SCMH1: variants seen among roughly 807,000 people sequenced by gnomAD.
SCMH1 encodes polycomb protein SCMH1.
A neutral mutation model predicts 70.8 loss-of-function variants in SCMH1; 37 were observed. The observed-to-expected ratio is 0.52, with a 90% CI of 0.40 to 0.69. SCMH1 has a LOEUF of 0.69. Among genes scored for constraint, SCMH1 ranks in the 30% least tolerant of loss-of-function variants. SCMH1 has a pLI of 0.00. For synonymous variants in SCMH1, 292 were observed against 307.4 expected (o/e 0.95, Z 0.52); for missense variants, 607 against 827.3 (o/e 0.73, Z 3.27).
At chr1:41,037,908 A>C in intron 12 of SCMH1, 1 of 177,154 alleles carries the variant, frequency 5.6e-6, no homozygotes, top group South Asian at 1.5e-4. Context: ...TGCTTAGATG[A>C]AGGTACTTTA....
At chr1:41,120,000 G>A (rs1671531835) in intron 6 of SCMH1, among the ~76,000 whole-genome samples, 1 of 152,204 alleles carries the variant, frequency 6.6e-6, no homozygotes, top group Non-Finnish European at 1.5e-5. Context: ...AAGGGCTGAA[G>A]CAAGCCAAAC....
chr1:41,034,860 GT>G (rs1226138293), intron 13 of SCMH1, among the ~76,000 whole-genome samples: 4 of 152,132 alleles, frequency 2.6e-5, no homozygotes, highest in Non-Finnish European at 5.9e-5. Flanking sequence ...AGATATCTGG[GT>G]TTCTGCCCCT....
At chr1:41,028,767 G>A (rs1644092489) in intron 13 of SCMH1, 41 bp from the exon 15 acceptor site, 2 of 1,604,158 alleles carry the variant, frequency 1.2e-6, no homozygotes, top group African/African-American at 1.3e-5. Flanking sequence ...GGCGGGGACT[G>A]GTTTGTAAAT....
chr1:41,167,394 T>C (rs912245175), intron 2 of SCMH1, among the ~76,000 whole-genome samples: 2 of 152,184 alleles, frequency 1.3e-5, no homozygotes, highest in African/African-American at 4.8e-5. Flanking sequence ...AAATAAATTT[T>C]GAAGAATTCC....
chr1:41,080,698 G>A (rs1324650852), intron 8 of SCMH1, among the ~76,000 whole-genome samples: 1 of 151,960 alleles, frequency 6.6e-6, no homozygotes, highest in Non-Finnish European at 1.5e-5. Context: ...TGAAGAAAAA[G>A]CATTTGACAA....
intron 8 of SCMH1, among the ~76,000 whole-genome samples, chr1:41,106,444 G>A (rs1667948603): frequency 6.6e-6 from 1 of 151,764 alleles, no homozygotes; most frequent in African/African-American, 2.4e-5. Context: ...GCCAAGCTAT[G>A]CAGCACCGTG....
intron 2 of SCMH1, among the ~76,000 whole-genome samples, chr1:41,174,608 T>C (rs1029973389): frequency 5.3e-5 from 8 of 152,084 alleles, no homozygotes; most frequent in Non-Finnish European, 7.4e-5. Flanking sequence ...GAAAAAAAAA[T>C]TGAATAGATA....
In SCMH1 at chr1:41,236,706, T is replaced by A. The variant is rs1025530975; in HGVS notation, c.-118+5353A>T. The stretch of plus-strand genomic sequence containing the variant: ...CATATTTGCATATGATCTACACACA[T>A]CCTCCTATGTATTTTAACATCTCTA... On this transcript the variant is annotated intron_variant, in intron 1 of 14. Transcript: ENST00000337495. 5.3e-5 allele frequency among the ~76,000 whole-genome samples: 8 copies of A among 152,172 alleles called. No individual in the cohort carries two copies. In the South Asian group the frequency reaches 6.2e-4, roughly 12 times the overall value.
In SCMH1 at chr1:41,047,761, T is replaced by C. The variant is rs1571450034; in HGVS notation, c.1306+929A>G. Among the ~76,000 whole-genome samples, 5 of 152,294 alleles carry C rather than the reference T, an allele frequency of 3.3e-5. No individual in the cohort carries two copies. In the South Asian group the frequency reaches 1.0e-3, roughly 32 times the overall value. On this transcript the variant is annotated intron_variant, in intron 11 of 14. Coordinates refer to ENST00000337495, the Ensembl canonical transcript of SCMH1. Reference sequence around the variant, plus strand: ...CTGCTCCATCCTCCTCACAGCCAAGTACTCCCTAGTCTGGGTTCCCACACC... The same window carrying C: ...CTGCTCCATCCTCCTCACAGCCAAGCACTCCCTAGTCTGGGTTCCCACACC...
At chr1:41,178,110 A>G (rs531355102) in intron 2 of SCMH1, among the ~76,000 whole-genome samples, 12 of 152,366 alleles carry the variant, frequency 7.9e-5, no homozygotes, top group Non-Finnish European at 1.3e-4. Flanking sequence ...AAGAATTTTC[A>G]ACGCAGAATT....
intron 4 of SCMH1, among the ~76,000 whole-genome samples, 162 bp downstream of exon 4, chr1:41,160,713 T>G (rs1479085914): frequency 6.6e-6 from 1 of 152,182 alleles, no homozygotes; most frequent in Non-Finnish European, 1.5e-5. Context: ...ACAGCTGAGA[T>G]GAAGTACATG....
chr1:41,189,016 T>C (rs893797773), intron 1 of SCMH1, among the ~76,000 whole-genome samples: 1 of 152,000 alleles, frequency 6.6e-6, no homozygotes, highest in African/African-American at 2.4e-5. Flanking sequence ...GAAATCAAAA[T>C]GGAAAAGCTG....
exon 10 of SCMH1, chr1:41,070,601 G>C (rs1656144786): frequency 6.2e-7 from 1 of 1,613,950 alleles, no homozygotes; most frequent in South Asian, 1.1e-5. Context: ...TTACCTGTTG[G>C]GGCCTGCATG....
At chr1:41,237,237 G>C (rs1662565614) in intron 1 of SCMH1, among the ~76,000 whole-genome samples, 1 of 152,134 alleles carries the variant, frequency 6.6e-6, no homozygotes, top group Non-Finnish European at 1.5e-5. Context: ...TGAAATTAGA[G>C]CTTCTTCGGT....
At chr1:41,111,872 C>T (rs936409971) in intron 8 of SCMH1, among the ~76,000 whole-genome samples, 1 of 152,108 alleles carries the variant, frequency 6.6e-6, no homozygotes, top group Non-Finnish European at 1.5e-5. Context: ...ACAAGTTTCC[C>T]CTCTACAAAG....
intron 4 of SCMH1, among the ~76,000 whole-genome samples, chr1:41,158,568 G>A (rs985370301): frequency 2.6e-5 from 4 of 152,168 alleles, no homozygotes; most frequent in African/African-American, 4.8e-5. Context: ...CAGATCTTTT[G>A]GTATGGCTGC....
At chr1:41,087,481 C>T (rs1380220922) in intron 8 of SCMH1, among the ~76,000 whole-genome samples, 1 of 150,970 alleles carries the variant, frequency 6.6e-6, no homozygotes, top group Non-Finnish European at 1.5e-5. Context: ...CCTATAATCA[C>T]ACGGGTAAAT....
chr1:41,189,166 T>G (rs1178971343), intron 1 of SCMH1, among the ~76,000 whole-genome samples: 2 of 152,188 alleles, frequency 1.3e-5, no homozygotes, highest in Admixed American at 6.5e-5. Flanking sequence ...TACTTTGTTT[T>G]GAGACGGAGT....
At chr1:41,130,609 T>C (rs189558270) in intron 6 of SCMH1, among the ~76,000 whole-genome samples, 53 of 152,178 alleles carry the variant, frequency 3.5e-4, no homozygotes. Context: ...CTGAATTAGA[T>C]ATGTAAGTAT....
Sources: allele counts gnomAD v4.1 joint callset (sites outside exome capture counted in the v4.1 genomes callset), GRCh38; gene constraint gnomAD v4.1.1; transcripts MANE v1.5; gene names NCBI Gene and HGNC (gene_info 2026-07-23, HGNC 2026-07-21).